The following ERCC5 variants were observed in gnomAD, a reference collection of about 807,000 sequenced individuals.
ERCC5 encodes ERCC excision repair 5, endonuclease.
In ERCC5, 68 loss-of-function variants were observed where a neutral mutation model predicts 105.6. The ratio of observed to expected loss-of-function variants is 0.64; its 90% CI spans 0.53 to 0.79. ERCC5 has a LOEUF of 0.79. Ranked by LOEUF, ERCC5 falls within the 30% of genes least tolerant of loss-of-function variation. The pLI is 0.00. For missense variants in ERCC5, 1,373 were observed against 1,426.7 expected (o/e 0.96, Z 0.61); for synonymous variants, 546 against 526.2 (o/e 1.04, Z -0.51).
Position 102,858,259 on chromosome 13 carries a change from G to A in ERCC5, c.529-16G>A. ...TGAAATGTAAATTTCATGGTGCTGT[G>A]ATTTTATCTTTACAGGAAGAGTTCT... On this transcript the variant is annotated splice_polypyrimidine_tract_variant and intron_variant, in intron 5 of 14. Transcript: ENST00000652225. 6.2e-7 allele frequency: 1 copy of A among 1,614,074 alleles called. No homozygotes were observed.
chr13:102,848,953 A>G (rs184184671), intron 1 of ERCC5, among the ~76,000 whole-genome samples: 201 of 152,308 alleles, frequency 1.3e-3, no homozygotes, highest in Middle Eastern at 0.01. Flanking sequence ...ATGGGGTTTA[A>G]TAATCCGTAT....
At chr13:102,861,422 C>G in intron 6 of ERCC5, 85 bp from the exon 7 acceptor site, 1 of 1,453,552 alleles carries the variant, frequency 6.9e-7, no homozygotes, top group Non-Finnish European at 9.5e-7. Flanking sequence ...GTTCTTTGTT[C>G]CCTGTTGGGG....
intron 1 of ERCC5, among the ~76,000 whole-genome samples, chr13:102,850,066 T>C (rs1566463487): frequency 1.3e-5 from 2 of 151,914 alleles, no homozygotes; most frequent in Admixed American, 6.6e-5. Context: ...CTCAGCCTTA[T>C]AGGCACACGC....
chr13:102,846,338 G>C lies in ERCC5; in HGVS notation c.72G>C (p.Gly24=). The part of the protein sequence containing the change: ...GRQVSPEALE[G]KILAVDISIW... ...AGGTCAGCCCCGAAGCGCTGGAAGG[G>C]AAGATCCTGGCTGTTGGTATCCTTA... Residue 24 remains glycine (G), a synonymous_variant, in exon 1 of 15, where the codon GGG becomes GGC. Coordinates refer to ENST00000652225, the MANE Select transcript of ERCC5 (RefSeq NM_000123.4). 1 of 1,614,118 alleles carries C rather than the reference G, an allele frequency of 6.2e-7. No homozygotes were observed. Among genetic ancestry groups the C allele is most frequent in the Middle Eastern group, 1.7e-4 (1 of 6,052 alleles).
chr13:102,864,684 C>T (rs958620070), intron 8 of ERCC5: 1 of 152,162 alleles, frequency 6.6e-6, no homozygotes, highest in African/African-American at 2.4e-5. Context: ...CACCAGGGAG[C>T]TCTGGTTCCT....
At position 102,861,643 on chromosome 13, in the gene ERCC5, G is replaced by A. The variant is rs183202756; in HGVS notation, c.809G>A (p.Gly270Glu). 2 of 1,614,112 alleles carry A rather than the reference G, an allele frequency of 1.2e-6. No individual in the cohort carries two copies. The highest frequency in any genetic ancestry group is 3.3e-5 in the Admixed American group (2 of 60,024). The change falls in exon 7 of 15, where the codon GGG (glycine) becomes GAG (glutamate). Residue 270 changes from glycine to glutamate, a missense_variant. Transcript: ENST00000652225. The stretch of plus-strand genomic sequence containing the variant: ...ATCCGAAGGCAGTATGAAGATGAAG[G>A]GGGCTTTCTGAAGGAGGTAGAGTCA... The part of the protein sequence containing the change: ...GHIRRQYEDE[G>E]GFLKEVESRR...
At chr13:102,859,707 G>T (rs994034329) in intron 6 of ERCC5, among the ~76,000 whole-genome samples, 1 of 152,208 alleles carries the variant, frequency 6.6e-6, no homozygotes, top group East Asian at 1.9e-4. Context: ...TACTGGATCT[G>T]TAATTTTGAT....
Position 102,861,708 on chromosome 13 carries a change from A to T in ERCC5, c.874A>T (p.Ile292Leu). 1.2e-6 allele frequency: 2 copies of T among 1,614,136 alleles called. No homozygotes were observed. Among genetic ancestry groups the T allele is most frequent in the African/African-American group, 1.3e-5 (1 of 75,054 alleles). Residue 292 changes from isoleucine (I) to leucine (L), a missense_variant, in exon 7 of 15, where the codon ATA (isoleucine) becomes TTA (leucine). By Grantham distance (5) the Ile-to-Leu change is conservative. Around this residue, in one of 3 missense-constraint regions of ERCC5, gnomAD observed 1,004 missense variants for 1,059.7 expected, o/e 0.95. Coordinates refer to ENST00000652225, the MANE Select transcript of ERCC5 (RefSeq NM_000123.4). ...TGAAGACACTTCACATTACATCTTGATAAAAGGTATCAGGCACCATCATTT... is the reference window on the plus strand; with the variant it reads ...TGAAGACACTTCACATTACATCTTGTTAAAAGGTATCAGGCACCATCATTT... ...VSEDTSHYIL[I>L]KGIQAKTVAE...
intron 14 of ERCC5, 86 bp downstream of exon 14, chr13:102,873,429 T>TG: frequency 1.4e-6 from 2 of 1,442,210 alleles, no homozygotes; most frequent in Non-Finnish European, 2.0e-6. Flanking sequence ...ACTCTTATTT[T>TG]GGGGCATAGA....
rs751564267 is a variant in ERCC5 at position 102,861,488 on chromosome 13, T to A, written c.673-19T>A. The A allele has an allele frequency of 8.7e-6, 14 of 1,613,256 alleles. No homozygotes were observed. Among genetic ancestry groups the A allele is most frequent in the African/African-American group, 1.3e-5 (1 of 74,924 alleles). ...ATTTAATATAAAACAGTAATTTTGT[T>A]TGTTTATTTTGCCTTTAGGAGTCTG... On this transcript the variant is annotated intron_variant, in intron 6 of 14. Coordinates refer to ENST00000652225, the MANE Select transcript of ERCC5 (RefSeq NM_000123.4).
At position 102,854,369 on chromosome 13, in the gene ERCC5, A is replaced by G. The variant is rs950587674; in HGVS notation, c.462A>G (p.Lys154=). 3.7e-6 allele frequency: 6 copies of G among 1,613,952 alleles called. No homozygotes were observed. Among genetic ancestry groups the G allele is most frequent in the Admixed American group, 3.3e-5 (2 of 60,006 alleles). Residue 154 remains lysine, a synonymous_variant, in exon 4 of 15, where the codon AAA becomes AAG. Coordinates refer to ENST00000652225, the MANE Select transcript of ERCC5 (RefSeq NM_000123.4). ...YVLPPLQEEE[K]HSSEEEDEKE... ...TGCCTCCTTTACAAGAGGAAGAAAA[A>G]CACAGGTAAATGTTTAACTATTTAA...
rs41557014 is a variant in ERCC5, at chr13:102,858,137, T to G, written c.529-138T>G. The G allele has an allele frequency of 5.3e-5, 65 of 1,224,528 alleles. No homozygotes were observed. The Middle Eastern group carries it at 1.0e-3, about 20-fold the overall frequency. The allele number at this position is 1,224,528 out of a possible 1,614,324, so 75.9% of individuals were successfully genotyped here. A position where few individuals can be genotyped will look rare whatever the true frequency, so the allele number is the denominator to read the frequency against. ...ACTCACTTTGTTGCCTGTCACAGAT[T>G]ATATGCAACTGTGTTTAGCCAATTG... On this transcript the variant is annotated intron_variant, in intron 5 of 14. Transcript: ENST00000652225.
At position 102,852,265 on chromosome 13, in the gene ERCC5, A is replaced by T. The variant is rs752741301; in HGVS notation, c.236A>T (p.Asp79Val). The stretch of plus-strand genomic sequence containing the variant: ...CGTCCTATTTTTGTGTTTGATGGGG[A>T]TGCTCCACTATTGAAGAAACAGACT... The part of the protein sequence containing the change: ...RIRPIFVFDG[D>V]APLLKKQTLV... Residue 79 changes from aspartate (D) to valine (V), a missense_variant, in exon 2 of 15, where the codon GAT becomes GTT. Transcript: ENST00000652225. 3.1e-6 allele frequency: 5 copies of T among 1,613,946 alleles called. No individual in the cohort carries two copies. Among genetic ancestry groups the T allele is most frequent in the Non-Finnish European group, 4.2e-6 (5 of 1,180,006 alleles).
chr13:102,855,141 T>C (rs900345132), intron 4 of ERCC5, among the ~76,000 whole-genome samples: 2 of 152,240 alleles, frequency 1.3e-5, no homozygotes, highest in African/African-American at 2.4e-5. Flanking sequence ...CTTTTTGTAA[T>C]AGTTCCTCCC....
intron 6 of ERCC5, among the ~76,000 whole-genome samples, chr13:102,860,760 C>G (rs373675682): frequency 3.3e-5 from 5 of 152,252 alleles, no homozygotes; most frequent in African/African-American, 1.2e-4. Context: ...GAAAAATGCC[C>G]TCCATGGGAA....
At chr13:102,868,329 C>T in intron 12 of ERCC5, 72 bp downstream of exon 12, 2 of 1,585,040 alleles carry the variant, frequency 1.3e-6, no homozygotes, top group African/African-American at 1.3e-5. Flanking sequence ...CTATTATTTA[C>T]AGCATGAACT....
At chr13:102,860,894 T>G (rs1456431790) in intron 6 of ERCC5, among the ~76,000 whole-genome samples, 3 of 152,212 alleles carry the variant, frequency 2.0e-5, no homozygotes, top group African/African-American at 7.2e-5. Flanking sequence ...AGAAGATTGT[T>G]AAGCCATAAT....
rs751521295 is a variant in ERCC5, at chr13:102,866,245, G to GA, written c.2200-11dup. On this transcript the variant is annotated splice_polypyrimidine_tract_variant and intron_variant, in intron 9 of 14. Coordinates refer to ENST00000652225, the MANE Select transcript of ERCC5 (RefSeq NM_000123.4). ...GGATTATTAATATAAATCTATAAAT[G>GA]AAAAAACATTTTATAGGAGGAGTTG... The GA allele has an allele frequency of 2.0e-4, 319 of 1,613,434 alleles. 2 individuals carry two copies. The Middle Eastern group carries it at 2.6e-3, about 13-fold the overall frequency.
rs539662998 is a variant in ERCC5 at position 102,849,074 on chromosome 13, A to G, written c.88+2720A>G. 55 of 499,710 alleles carry G rather than the reference A, an allele frequency of 1.1e-4. 1 individual carries two copies. The highest frequency in any genetic ancestry group is 1.0e-3 in the African/African-American group (52 of 51,464). The allele number at this position is 499,710 out of a possible 1,614,324, so 31.0% of individuals were successfully genotyped here. ...GTTTAAAGTAGTGGGCCAAGTAGAAACTAATTTAATCCTATGTAATAGTGA... is the reference window on the plus strand; with the variant it reads ...GTTTAAAGTAGTGGGCCAAGTAGAAGCTAATTTAATCCTATGTAATAGTGA... On this transcript the variant is annotated intron_variant, in intron 1 of 14. Transcript: ENST00000652225.
Sources: gnomAD v4.1 joint callset for allele counts (sites outside exome capture counted in the v4.1 genomes callset) on GRCh38, gnomAD v4.1.1 for gene constraint, gnomAD v4.1.1 regional missense constraint, MANE v1.5 for transcripts, NCBI Gene and HGNC (gene_info 2026-07-23, HGNC 2026-07-21) for gene names.